TRPC4AP: variants seen among roughly 807,000 people sequenced by gnomAD.
The protein encoded by TRPC4AP is transient receptor potential cation channel subfamily C member 4 associated protein.
Under a neutral mutation model 99.0 loss-of-function variants are expected in TRPC4AP, and 45 were observed. That is an observed-to-expected ratio of 0.45 (90% CI 0.36 to 0.58). The LOEUF (loss-of-function observed/expected upper bound fraction) is 0.58. Among genes scored for constraint, TRPC4AP ranks in the 20% least tolerant of loss-of-function variants. The pLI, the probability that TRPC4AP is intolerant of heterozygous loss-of-function variation, is 0.00. For missense variants in TRPC4AP, 879 were observed against 985.3 expected (o/e 0.89, Z 1.44); for synonymous variants, 408 against 385.8 (o/e 1.06, Z -0.67).
intron 8 of TRPC4AP, among the ~76,000 whole-genome samples, chr20:35,022,582 C>T (rs1334770402): frequency 6.6e-6 from 1 of 152,122 alleles, no homozygotes; most frequent in Non-Finnish European, 1.5e-5. Flanking sequence ...TGCCAAGGTC[C>T]TCTCAAGTTC....
intron 1 of TRPC4AP, among the ~76,000 whole-genome samples, chr20:35,091,663 C>A (rs2085071379): frequency 6.6e-6 from 1 of 152,074 alleles, no homozygotes; most frequent in African/African-American, 2.4e-5. Context: ...TGGACTAGGT[C>A]CTATTCAACC....
intron 2 of TRPC4AP, among the ~76,000 whole-genome samples, chr20:35,072,499 T>C (rs927472475): frequency 2.0e-5 from 3 of 152,230 alleles, no homozygotes; most frequent in African/African-American, 4.8e-5. Context: ...TTTCTACATG[T>C]GGCTAGCCAG....
intron 17 of TRPC4AP, 87 bp downstream of exon 17, chr20:35,004,371 T>C: frequency 8.8e-7 from 1 of 1,139,630 alleles, no homozygotes; most frequent in Non-Finnish European, 1.3e-6. Context: ...ACTTCTGGAG[T>C]GGGGGACAGA....
At chr20:35,062,054 T>G (rs2084021519) in intron 3 of TRPC4AP, among the ~76,000 whole-genome samples, 1 of 152,180 alleles carries the variant, frequency 6.6e-6, no homozygotes, top group African/African-American at 2.4e-5. Context: ...AATAAACAGA[T>G]GATCAACATT....
intron 6 of TRPC4AP, 55 bp downstream of exon 6, chr20:35,049,811 A>C: frequency 1.3e-6 from 2 of 1,555,046 alleles, no homozygotes; most frequent in Non-Finnish European, 1.7e-6. Flanking sequence ...AGTTTTGAGA[A>C]TCCAATGGTC....
intron 3 of TRPC4AP, among the ~76,000 whole-genome samples, chr20:35,058,687 CTTTTTTTTT>C (rs71196781): frequency 9.1e-6 from 1 of 110,368 alleles, no homozygotes; most frequent in Admixed American, 1.1e-4. Flanking sequence ...AAAGAAAATT[CTTTTTTTTT>C]TTTTTTTTTT....
At chr20:35,079,288 G>C (rs186203179) in intron 1 of TRPC4AP, among the ~76,000 whole-genome samples, 7 of 152,096 alleles carry the variant, frequency 4.6e-5, no homozygotes, top group Admixed American at 3.9e-4. Context: ...CTGCCTAAAA[G>C]AACTGCCAGA....
At chr20:35,059,461 AC>A (rs966074242) in intron 3 of TRPC4AP, among the ~76,000 whole-genome samples, 2 of 152,120 alleles carry the variant, frequency 1.3e-5, no homozygotes, top group Non-Finnish European at 2.9e-5. Flanking sequence ...GAAGATTGAG[AC>A]CACCCTGGCC....
At chr20:35,038,105 C>T (rs570211232) in intron 7 of TRPC4AP, among the ~76,000 whole-genome samples, 1 of 149,792 alleles carries the variant, frequency 6.7e-6, no homozygotes, top group African/African-American at 2.5e-5. Context: ...ATGTGTACGG[C>T]GTTTCCTTTT....
intron 1 of TRPC4AP, among the ~76,000 whole-genome samples, chr20:35,081,982 C>A (rs2084659305): frequency 6.6e-6 from 1 of 151,946 alleles, no homozygotes; most frequent in African/African-American, 2.4e-5. Flanking sequence ...GAGACTCTGT[C>A]TCAAAAACAA....
chr20:35,089,856 A>C (rs1405142358), intron 1 of TRPC4AP, among the ~76,000 whole-genome samples: 1 of 152,110 alleles, frequency 6.6e-6, no homozygotes, highest in Non-Finnish European at 1.5e-5. Context: ...AAAAATAAAA[A>C]ATAAAAAATG....
chr20:35,016,897 A>G (rs1033215191), intron 9 of TRPC4AP, among the ~76,000 whole-genome samples: 25 of 152,258 alleles, frequency 1.6e-4, no homozygotes, highest in Admixed American at 3.9e-4. Context: ...ACAAAGCTTT[A>G]TAAGACCGTG....
intron 6 of TRPC4AP, among the ~76,000 whole-genome samples, 171 bp from the exon 7 acceptor site, chr20:35,044,883 T>C (rs1003195178): frequency 6.6e-6 from 1 of 152,176 alleles, no homozygotes; most frequent in East Asian, 1.9e-4. Context: ...CAAAAACCTT[T>C]CGAGTCTTTG....
intron 7 of TRPC4AP, among the ~76,000 whole-genome samples, chr20:35,043,460 T>A (rs1286088798): frequency 3.3e-5 from 5 of 152,122 alleles, no homozygotes; most frequent in Non-Finnish European, 7.4e-5. Context: ...TTGGCCAGGC[T>A]GGTCTCAAAC....
In TRPC4AP at chr20:35,086,467, GTGTGTGTGTATGTGTGTGTATA is replaced by G. The variant is rs1292561420; in HGVS notation, c.168+6125_168+6146del. On this transcript the variant is annotated intron_variant, in intron 1 of 18. Coordinates refer to ENST00000252015, the MANE Select transcript of TRPC4AP (RefSeq NM_015638.3). ...TGTGTGTGTGTGTGTGTGTGTGTGTGTGTGTGTGTATGTGTGTGTATATATATATGTGTATATATATGTGTGT... is the reference window on the plus strand; with the variant it reads ...TGTGTGTGTGTGTGTGTGTGTGTGTGTATATATGTGTATATATATGTGTGT... Among the ~76,000 whole-genome samples the G allele has an allele frequency of 3.1e-3, 231 of 74,128 alleles. 11 individuals are homozygous for G. The highest frequency in any genetic ancestry group is 9.3e-3 in the African/African-American group (213 of 22,902). 48.6% of individuals were successfully genotyped at this position (74,128 alleles called of 152,430 possible). A position where few individuals can be genotyped will look rare whatever the true frequency, so the allele number is the denominator to read the frequency against.
chr20:35,073,242 C>G (rs2084372283), intron 2 of TRPC4AP, among the ~76,000 whole-genome samples: 1 of 152,170 alleles, frequency 6.6e-6, no homozygotes, highest in South Asian at 2.1e-4. Flanking sequence ...TTGACTTCCT[C>G]TTTTCCTAAT....
intron 2 of TRPC4AP, among the ~76,000 whole-genome samples, chr20:35,070,395 C>A (rs898489033): frequency 6.6e-6 from 1 of 151,976 alleles, no homozygotes; most frequent in Non-Finnish European, 1.5e-5. Flanking sequence ...TTTTACTTTG[C>A]ACCTATTTAC....
At chr20:35,037,346 C>CAAAAAAAAAAAAAAAAAAAAAAACAAA in intron 7 of TRPC4AP, among the ~76,000 whole-genome samples, 1 of 78,964 alleles carries the variant, frequency 1.3e-5, no homozygotes, top group Non-Finnish European at 2.4e-5. Context: ...GACTCTGTCT[C>CAAAAAAAAAAAAAAAAAAAAAAACAAA]AAAAAAAAAA....
intron 6 of TRPC4AP, among the ~76,000 whole-genome samples, chr20:35,046,532 T>C (rs1278131505): frequency 6.6e-6 from 1 of 152,180 alleles, no homozygotes; most frequent in East Asian, 1.9e-4. Context: ...TATCCTACCC[T>C]TTCTCCTGAG....
Sources: allele counts gnomAD v4.1 joint callset (sites outside exome capture counted in the v4.1 genomes callset), GRCh38; gene constraint gnomAD v4.1.1; transcripts MANE v1.5; gene names NCBI Gene and HGNC (gene_info 2026-07-23, HGNC 2026-07-21).